The following IQCB1 variants were observed in gnomAD, a reference collection of about 807,000 sequenced individuals.
IQCB1 encodes IQ motif containing B1.
IQCB1 carries 56 observed loss-of-function variants against 84.4 expected under a neutral mutation model. The observed-to-expected ratio is 0.66, with a 90% CI of 0.54 to 0.83. The LOEUF is 0.83. Among genes scored for constraint, IQCB1 ranks in the 40% least tolerant of loss-of-function variants. The probability of loss-of-function intolerance (pLI) is 0.00; values close to 1 mark genes in which losing one functional copy is unlikely to be tolerated. For missense variants in IQCB1, 629 were observed against 682.1 expected, an observed-to-expected ratio of 0.92 and a Z score of 0.87; for synonymous variants, 210 against 234.8, an observed-to-expected ratio of 0.89 and a Z score of 0.96.
At chr3:121,812,627 CA>C (rs1949872987) in intron 5 of IQCB1, among the ~76,000 whole-genome samples, 1 of 152,012 alleles carries the variant, frequency 6.6e-6, no homozygotes, top group South Asian at 2.1e-4. Context: ...GAAGCATACA[CA>C]AGTATCAATA....
At chr3:121,833,229 G>A (rs1708035850) in intron 2 of IQCB1, among the ~76,000 whole-genome samples, 1 of 152,138 alleles carries the variant, frequency 6.6e-6, no homozygotes, top group South Asian at 2.1e-4. Context: ...TACATTTTAA[G>A]ACCATCTTTG....
chr3:121,792,704 T>C (rs1423818587), intron 10 of IQCB1, among the ~76,000 whole-genome samples: 2 of 148,310 alleles, frequency 1.3e-5, no homozygotes, highest in Admixed American at 1.3e-4. Context: ...GTGATTTAAA[T>C]AGGGACTAAA....
rs1028418427 is a variant in IQCB1 at position 121,807,558 on chromosome 3, C to G, written c.488-115G>C. On this transcript the variant is annotated intron_variant, in intron 6 of 14. Transcript: ENST00000310864. ...TGACCATCTCTGCTAAACTTTCTGA[C>G]TTTGTAGACTCTACGATAAAGAAGA... is the stretch of plus-strand genomic sequence containing the variant. 20 of 634,696 alleles carry G rather than the reference C, an allele frequency of 3.2e-5. No homozygotes were observed. In the African/African-American group the frequency reaches 3.2e-4, roughly 10 times the overall value. The allele number at this position is 634,696 out of a possible 1,614,324, so 39.3% of individuals were successfully genotyped here.
chr3:121,773,455 C>T (rs1261788291), intron 13 of IQCB1, among the ~76,000 whole-genome samples: 2 of 152,060 alleles, frequency 1.3e-5, no homozygotes, highest in Non-Finnish European at 1.5e-5. Context: ...TCTGGATCCA[C>T]AGAACAAGGG....
chr3:121,785,255 C>G (rs1437978671), intron 12 of IQCB1, among the ~76,000 whole-genome samples: 1 of 143,872 alleles, frequency 7.0e-6, no homozygotes, highest in African/African-American at 2.5e-5. Flanking sequence ...CTTTATATTA[C>G]TTTTTTTTTT....
chr3:121,774,778 T>A (rs1485573548), intron 13 of IQCB1, among the ~76,000 whole-genome samples: 1 of 152,086 alleles, frequency 6.6e-6, no homozygotes, highest in Non-Finnish European at 1.5e-5. Context: ...GATGCAGAGT[T>A]TCCATTCTGC....
At chr3:121,784,920 C>T (rs1443908356) in intron 12 of IQCB1, among the ~76,000 whole-genome samples, 6 of 152,140 alleles carry the variant, frequency 3.9e-5, no homozygotes, top group African/African-American at 7.2e-5. Context: ...GTGATCCTCC[C>T]GCCTCAGCCT....
intron 5 of IQCB1, among the ~76,000 whole-genome samples, chr3:121,814,081 A>T (rs1329761424): frequency 6.6e-6 from 1 of 152,236 alleles, no homozygotes; most frequent in Non-Finnish European, 1.5e-5. Context: ...GTCTCAGTCC[A>T]CGGTGCAATC....
chr3:121,783,989 T>C (rs1162562572), intron 12 of IQCB1, among the ~76,000 whole-genome samples: 1 of 152,246 alleles, frequency 6.6e-6, no homozygotes, highest in Non-Finnish European at 1.5e-5. Context: ...TCCTAGTATA[T>C]CTTACAGTAT....
At chr3:121,815,005 T>G (rs1949992578) in intron 5 of IQCB1, among the ~76,000 whole-genome samples, 7 of 151,970 alleles carry the variant, frequency 4.6e-5, no homozygotes, top group Admixed American at 4.6e-4. Context: ...AATGCGAAAA[T>G]CCTCAATAAA....
intron 12 of IQCB1, among the ~76,000 whole-genome samples, chr3:121,785,645 A>G (rs929364204): frequency 1.3e-5 from 2 of 152,358 alleles, no homozygotes; most frequent in East Asian, 3.9e-4. Context: ...TATAAAACAT[A>G]CAACAATATA....
chr3:121,805,499 A>T (rs1949570860), intron 7 of IQCB1, among the ~76,000 whole-genome samples: 1 of 152,188 alleles, frequency 6.6e-6, no homozygotes, highest in Admixed American at 6.5e-5. Context: ...ATTTTAAAAT[A>T]CAGCCAGGTT....
At position 121,786,170 on chromosome 3, in the gene IQCB1, C is replaced by CAAGAAAAAAAG; in HGVS notation, c.1278+2113_1278+2114insCTTTTTTTCTT. ...TGGGAGACAGAGAGAGATTCTGTCT[C>CAAGAAAAAAAG]AAAAGAAAAGAAAAGAAAAGAAAAG... is the stretch of plus-strand genomic sequence containing the variant. On this transcript the variant is annotated intron_variant, in intron 12 of 14. Coordinates refer to ENST00000310864, the MANE Select transcript of IQCB1 (RefSeq NM_001023570.4). 1.4e-3 allele frequency among the ~76,000 whole-genome samples: 103 copies of CAAGAAAAAAAG among 72,860 alleles called. 1 individual carries two copies. Among genetic ancestry groups the CAAGAAAAAAAG allele is most frequent in the South Asian group, 2.4e-3 (4 of 1,640 alleles). The allele number at this position is 72,860 out of a possible 152,430, so 47.8% of individuals were successfully genotyped here. A position where few individuals can be genotyped will look rare whatever the true frequency, so the allele number is the denominator to read the frequency against.
chr3:121,815,392 T>C (rs576125728), intron 5 of IQCB1, among the ~76,000 whole-genome samples: 13 of 152,172 alleles, frequency 8.5e-5, no homozygotes, highest in Non-Finnish European at 1.6e-4. Flanking sequence ...TTCAACATAG[T>C]ATTGGATGTT....
At chr3:121,779,490 T>A (rs1471716559) in intron 13 of IQCB1, among the ~76,000 whole-genome samples, 2 of 151,432 alleles carry the variant, frequency 1.3e-5, no homozygotes, top group South Asian at 2.1e-4. Flanking sequence ...GATTCAGGTA[T>A]TTTTTTTTAC....
Position 121,826,122 on chromosome 3 carries a change from G to A in IQCB1, c.322C>T (p.Leu108Phe), listed in dbSNP as rs146580215. 83 of 1,612,596 alleles carry A rather than the reference G, an allele frequency of 5.1e-5. No homozygotes were observed. The African/African-American group carries it at 1.0e-3, about 20-fold the overall frequency. Residue 108 changes from leucine (L) to phenylalanine (F), a missense_variant, in exon 5 of 15, where the codon CTT becomes TTT. Physicochemically the swap from Leu to Phe is conservative, Grantham distance 22 (BLOSUM62 0). Coordinates refer to ENST00000310864, the MANE Select transcript of IQCB1 (RefSeq NM_001023570.4). Reference protein sequence around the residue: ...EDAEEFYNELLPSAAENFLVL... With the variant: ...EDAEEFYNELFPSAAENFLVL... Reference sequence around the variant, plus strand: ...AGAAAATTTTCTGCAGCTGATGGAAGTAATTCATTGTAAAATTCCTCTGCA... The same window carrying A: ...AGAAAATTTTCTGCAGCTGATGGAAATAATTCATTGTAAAATTCCTCTGCA...
chr3:121,815,928 C>CAAAAAAAAAAA (rs36019026), intron 5 of IQCB1, among the ~76,000 whole-genome samples: 1 of 88,778 alleles, frequency 1.1e-5, no homozygotes, highest in Non-Finnish European at 2.2e-5. Context: ...CATGTGGAAC[C>CAAAAAAAAAAA]AAAAAAAAAA....
chr3:121,830,923 C>T (rs1950615317), intron 2 of IQCB1, among the ~76,000 whole-genome samples: 1 of 152,226 alleles, frequency 6.6e-6, no homozygotes. Context: ...TGGGTTTCCC[C>T]ACTCAGTCTG....
chr3:121,829,301 T>C (rs1199752893), intron 2 of IQCB1, among the ~76,000 whole-genome samples: 1 of 152,160 alleles, frequency 6.6e-6, no homozygotes, highest in Non-Finnish European at 1.5e-5. Flanking sequence ...TAACTTCCTT[T>C]AATCACACAA....
Sources: gnomAD v4.1 joint callset for allele counts (sites outside exome capture counted in the v4.1 genomes callset) on GRCh38, gnomAD v4.1.1 for gene constraint, MANE v1.5 for transcripts, NCBI Gene and HGNC (gene_info 2026-07-23, HGNC 2026-07-21) for gene names.